The following SPAG9 variants were observed in gnomAD, a reference collection of about 807,000 sequenced individuals.
SPAG9 encodes the protein sperm associated antigen 9.
In SPAG9, 35 loss-of-function variants were observed where a neutral mutation model predicts 166.5. The ratio of observed to expected loss-of-function variants is 0.21; its 90% CI spans 0.16 to 0.28. The LOEUF is 0.28. SPAG9 is among the 10% of genes least tolerant of loss of function. The pLI is 1.00. For synonymous variants in SPAG9, 534 were observed against 565.5 expected, an observed-to-expected ratio of 0.94 and a Z score of 0.79; for missense variants, 1,235 against 1,603.3, an observed-to-expected ratio of 0.77 and a Z score of 3.92.
Position 51,120,501 on chromosome 17 carries a change from C to A in SPAG9, c.156G>T (p.Pro52=). The change falls in exon 1 of 30, where the codon CCG becomes CCT. Residue 52 remains proline (P), a synonymous_variant. Coordinates refer to ENST00000262013, the MANE Select transcript of SPAG9 (RefSeq NM_001130528.3). This position sits in a 1 kb window ranked among gnomAD's most constrained non-coding sequence, Gnocchi z 4.7. ...GGTTCTCCAGCACAGCCACCACCAG[C>A]GGCATCAGCTCTTTGACCACCTCCT... ...YDEEVVKELM[P]LVVAVLENLD... 1 of 1,614,030 alleles carries A rather than the reference C, an allele frequency of 6.2e-7. No homozygotes were observed. The highest frequency in any genetic ancestry group is 8.5e-7 in the Non-Finnish European group (1 of 1,179,914).
chr17:51,049,618 G>A (rs2047126910), intron 3 of SPAG9, among the ~76,000 whole-genome samples: 1 of 152,130 alleles, frequency 6.6e-6, no homozygotes, highest in South Asian at 2.1e-4. Flanking sequence ...GATCAAAACT[G>A]CAGTGAACCA....
At chr17:51,063,826 G>A (rs967894452) in intron 2 of SPAG9, among the ~76,000 whole-genome samples, 1 of 152,136 alleles carries the variant, frequency 6.6e-6, no homozygotes, top group Admixed American at 6.6e-5. Context: ...AGGTTGCAGT[G>A]AGCCAAGATC....
At chr17:51,112,379 A>G (rs960455493) in intron 1 of SPAG9, among the ~76,000 whole-genome samples, 1 of 150,812 alleles carries the variant, frequency 6.6e-6, no homozygotes, top group African/African-American at 2.4e-5. Context: ...ACAAAAAAAA[A>G]AAAAAAAAAA....
At chr17:51,048,337 GA>G (rs1184274326) in intron 3 of SPAG9, among the ~76,000 whole-genome samples, 1 of 151,434 alleles carries the variant, frequency 6.6e-6, no homozygotes, top group Non-Finnish European at 1.5e-5. Context: ...ATATGAATAA[GA>G]AAAAAATGAA....
intron 1 of SPAG9, among the ~76,000 whole-genome samples, chr17:51,095,888 G>GAT (rs1262309063): frequency 3.5e-5 from 5 of 142,098 alleles, no homozygotes; most frequent in South Asian, 2.2e-4. Context: ...TATATATAGT[G>GAT]ATATATACAG....
intron 3 of SPAG9, among the ~76,000 whole-genome samples, chr17:51,051,651 C>T (rs916302800): frequency 1.3e-5 from 2 of 152,120 alleles, no homozygotes; most frequent in African/African-American, 2.4e-5. Flanking sequence ...ACCCTGGAGG[C>T]GGAGGTTGCA....
In SPAG9 at chr17:51,111,525, T is replaced by C. The variant is rs995494761; in HGVS notation, c.303+8829A>G. Among the ~76,000 whole-genome samples, 13 of 152,318 alleles carry C rather than the reference T, an allele frequency of 8.5e-5. No homozygotes were observed. The South Asian group carries it at 1.0e-3, about 12-fold the overall frequency. ...GCACACACTTCAGCAATCCAGTGAA[T>C]AGTCAATCTACTAATCTACCCTCTG... On this transcript the variant is annotated intron_variant, in intron 1 of 29. Coordinates refer to ENST00000262013, the MANE Select transcript of SPAG9 (RefSeq NM_001130528.3).
At chr17:51,090,867 G>A (rs1205709232) in intron 1 of SPAG9, among the ~76,000 whole-genome samples, 1 of 152,052 alleles carries the variant, frequency 6.6e-6, no homozygotes, top group Non-Finnish European at 1.5e-5. Context: ...GAAATGAGAA[G>A]GTAACATTTC....
chr17:50,973,275 G>A (rs1054275398), intron 28 of SPAG9, among the ~76,000 whole-genome samples: 3 of 152,116 alleles, frequency 2.0e-5, no homozygotes, highest in Non-Finnish European at 4.4e-5. Flanking sequence ...GATTTGCATC[G>A]ACTTCAAGAT....
chr17:51,109,275 C>T (rs746391548), intron 1 of SPAG9, among the ~76,000 whole-genome samples: 2 of 150,826 alleles, frequency 1.3e-5, no homozygotes, highest in Non-Finnish European at 3.0e-5. Flanking sequence ...CTTGCTCTGT[C>T]GCCTAGGCTG....
intron 28 of SPAG9, among the ~76,000 whole-genome samples, chr17:50,972,496 T>C (rs1247117692): frequency 2.0e-5 from 3 of 152,198 alleles, no homozygotes; most frequent in East Asian, 1.9e-4. Flanking sequence ...TGTGAAATAA[T>C]AGAAAGAGAG....
intron 8 of SPAG9, among the ~76,000 whole-genome samples, chr17:51,016,768 G>A (rs2045714453): frequency 6.6e-6 from 1 of 152,020 alleles, no homozygotes; most frequent in African/African-American, 2.4e-5. Flanking sequence ...AGCCAGGCAT[G>A]GTGGCTCACG....
intron 13 of SPAG9, among the ~76,000 whole-genome samples, chr17:51,000,093 C>A (rs2044864988): frequency 6.6e-6 from 1 of 152,130 alleles, no homozygotes; most frequent in African/African-American, 2.4e-5. Context: ...AAGTCTCTAT[C>A]ATCTATACTC....
At chr17:51,083,231 CT>C (rs1038107789) in intron 1 of SPAG9, among the ~76,000 whole-genome samples, 289 of 141,798 alleles carry the variant, frequency 2.0e-3, no homozygotes, top group East Asian at 3.3e-3. Flanking sequence ...TTTCTTTTTT[CT>C]TTTTTTTTTT....
intron 28 of SPAG9, among the ~76,000 whole-genome samples, chr17:50,974,057 A>G (rs911219946): frequency 4.6e-5 from 7 of 152,182 alleles, no homozygotes; most frequent in Non-Finnish European, 5.9e-5. Context: ...TCTAGCTCCT[A>G]AACTTGCCTC....
intron 3 of SPAG9, among the ~76,000 whole-genome samples, chr17:51,054,620 T>C (rs941840131): frequency 6.6e-6 from 1 of 151,566 alleles, no homozygotes; most frequent in Admixed American, 6.6e-5. Context: ...GTATTTTTAG[T>C]AGAGACGGGG....
chr17:51,004,842 T>C (rs924728150), intron 12 of SPAG9, among the ~76,000 whole-genome samples: 1 of 152,226 alleles, frequency 6.6e-6, no homozygotes, highest in African/African-American at 2.4e-5. Context: ...AGTTCTAGAC[T>C]TCATCTTTTT....
intron 12 of SPAG9, among the ~76,000 whole-genome samples, chr17:51,003,098 G>A (rs1241531684): frequency 6.6e-6 from 1 of 151,868 alleles, no homozygotes; most frequent in Non-Finnish European, 1.5e-5. Flanking sequence ...TAATAGCCAG[G>A]TGGGGTGGCA....
chr17:51,048,150 CAT>C (rs2047081440), intron 3 of SPAG9, among the ~76,000 whole-genome samples: 2 of 151,992 alleles, frequency 1.3e-5, no homozygotes, highest in Non-Finnish European at 2.9e-5. Context: ...GATAAGGAAT[CAT>C]ATGACAGACA....
Sources: gnomAD v4.1 joint callset for allele counts (sites outside exome capture counted in the v4.1 genomes callset) on GRCh38, gnomAD v4.1.1 for gene constraint, Gnocchi (gnomAD v3.1) non-coding constraint, MANE v1.5 for transcripts, NCBI Gene and HGNC (gene_info 2026-07-23, HGNC 2026-07-21) for gene names.